Variants in DIS3L2 observed in about 807,000 individuals in gnomAD.
The protein encoded by DIS3L2 is DIS3-like exonuclease 2.
DIS3L2 carries 34 observed loss-of-function variants against 97.5 expected under a neutral mutation model. The observed-to-expected ratio is 0.35, with a 90% CI of 0.27 to 0.46. The LOEUF is 0.46. DIS3L2 is among the 20% of genes least tolerant of loss of function. The pLI, the probability that DIS3L2 is intolerant of heterozygous loss-of-function variation, is 1.00. For synonymous variants in DIS3L2, 435 were observed against 445.2 expected, an observed-to-expected ratio of 0.98 and a Z score of 0.29; for missense variants, 1,038 against 1,146.0, an observed-to-expected ratio of 0.91 and a Z score of 1.36.
rs751167338 is a variant in DIS3L2, at chr2:232,336,673, C to T, written c.*43C>T. 2.3e-5 allele frequency: 36 copies of T among 1,574,690 alleles called. No homozygotes were observed. Among genetic ancestry groups the T allele is most frequent in the African/African-American group, 6.7e-5 (5 of 74,240 alleles). On this transcript the variant is annotated 3_prime_UTR_variant, in exon 21 of 21. Transcript: ENST00000325385. ...CCCCGCCTGCCCCGCCTGCCTGTCC[C>T]GCCACACTGGCTTTAGGACCTGTTG...
intron 8 of DIS3L2, among the ~76,000 whole-genome samples, chr2:232,160,847 C>T (rs551657880): frequency 1.3e-5 from 2 of 152,178 alleles, no homozygotes; most frequent in South Asian, 2.1e-4. Flanking sequence ...CAGAGTGAGA[C>T]CCTGTCTAAA....
intron 5 of DIS3L2, among the ~76,000 whole-genome samples, chr2:232,083,873 C>G (rs987077050): frequency 1.3e-5 from 2 of 152,132 alleles, no homozygotes; most frequent in South Asian, 2.1e-4. Flanking sequence ...CCCAGAACTT[C>G]TCTCTCTGAG....
At chr2:232,229,908 CA>C (rs1692745031) in intron 10 of DIS3L2, among the ~76,000 whole-genome samples, 1 of 152,176 alleles carries the variant, frequency 6.6e-6, no homozygotes, top group Non-Finnish European at 1.5e-5. Context: ...CCAGACTCTT[CA>C]AATCCTGACC....
intron 1 of DIS3L2, among the ~76,000 whole-genome samples, chr2:231,964,606 CTG>C (rs1012321434): frequency 6.6e-5 from 10 of 152,268 alleles, no homozygotes; most frequent in African/African-American, 2.4e-4. Context: ...GGAGCTAAAA[CTG>C]AGGCGTGTGA....
intron 14 of DIS3L2, among the ~76,000 whole-genome samples, chr2:232,300,742 A>C (rs1477189266): frequency 6.7e-6 from 1 of 149,846 alleles, no homozygotes; most frequent in East Asian, 2.0e-4. Context: ...GCAGCCCAAA[A>C]CTCCCGGGCT....
chr2:232,067,294 A>G (rs1471312547), intron 5 of DIS3L2, among the ~76,000 whole-genome samples: 1 of 152,094 alleles, frequency 6.6e-6, no homozygotes, highest in Non-Finnish European at 1.5e-5. Context: ...TTTTCTCTAG[A>G]CGCTACTTTA....
chr2:232,302,609 G>A (rs1694886466), intron 14 of DIS3L2, among the ~76,000 whole-genome samples: 1 of 148,840 alleles, frequency 6.7e-6, no homozygotes, highest in African/African-American at 2.5e-5. Flanking sequence ...CACCCAGCCT[G>A]GAGTGCAATT....
chr2:232,040,667 C>G (rs1041110475), intron 5 of DIS3L2, among the ~76,000 whole-genome samples: 20 of 152,198 alleles, frequency 1.3e-4, no homozygotes, highest in African/African-American at 4.8e-4. Flanking sequence ...CAACTGCTAA[C>G]TTACTGGTGC....
chr2:232,162,621 C>A (rs1690686652), intron 8 of DIS3L2, among the ~76,000 whole-genome samples: 1 of 152,174 alleles, frequency 6.6e-6, no homozygotes, highest in Non-Finnish European at 1.5e-5. Flanking sequence ...CTTGGAGCAC[C>A]CTGGTAGATA....
intron 12 of DIS3L2, 69 bp downstream of exon 12, chr2:232,249,415 A>G (rs1351496673): frequency 2.0e-6 from 3 of 1,495,776 alleles, no homozygotes; most frequent in Non-Finnish European, 2.8e-6. Flanking sequence ...AGCACTCACC[A>G]TGTGCCTGGC....
intron 14 of DIS3L2, among the ~76,000 whole-genome samples, chr2:232,314,432 GC>G (rs1193100000): frequency 6.6e-6 from 1 of 152,154 alleles, no homozygotes; most frequent in African/African-American, 2.4e-5. Context: ...AACCGAGCAG[GC>G]CCCGGAGGCC....
At chr2:232,003,841 T>G (rs1693972943) in intron 1 of DIS3L2, among the ~76,000 whole-genome samples, 2 of 152,206 alleles carry the variant, frequency 1.3e-5, no homozygotes, top group African/African-American at 4.8e-5. Context: ...TTGTTCTGTT[T>G]GAGGTATTTC....
chr2:232,279,549 G>A (rs1431578363), intron 13 of DIS3L2, among the ~76,000 whole-genome samples: 1 of 150,158 alleles, frequency 6.7e-6, no homozygotes, highest in Admixed American at 6.6e-5. Flanking sequence ...TTTGTTTTTT[G>A]AGATAGTCTT....
At chr2:232,237,790 A>G (rs1369363908) in intron 10 of DIS3L2, among the ~76,000 whole-genome samples, 1 of 152,106 alleles carries the variant, frequency 6.6e-6, no homozygotes. Flanking sequence ...AGTTGACCCA[A>G]ATAAAGTAAG....
chr2:232,213,981 G>T (rs1305407699), intron 10 of DIS3L2, among the ~76,000 whole-genome samples: 2 of 152,098 alleles, frequency 1.3e-5, no homozygotes, highest in Admixed American at 1.3e-4. Context: ...TTCCAACCTG[G>T]TAATTCTCCA....
chr2:232,329,785 T>TCCCGGGGGGCC, intron 14 of DIS3L2, 28 bp from the exon 15 acceptor site: 58 of 967,116 alleles, frequency 6.0e-5, no homozygotes, highest in East Asian at 1.2e-4. Context: ...ACCCCAGCGG[T>TCCCGGGGGGCC]CCCTCCCATC....
intron 14 of DIS3L2, among the ~76,000 whole-genome samples, chr2:232,314,465 G>A (rs1167310372): frequency 6.6e-6 from 1 of 152,104 alleles, no homozygotes; most frequent in Non-Finnish European, 1.5e-5. Context: ...GGGCTGAAGG[G>A]AGCTCCCTAG....
At chr2:232,107,863 TC>T (rs1697397184) in intron 6 of DIS3L2, among the ~76,000 whole-genome samples, 2 of 152,080 alleles carry the variant, frequency 1.3e-5, no homozygotes, top group Admixed American at 6.6e-5. Context: ...AGACACTGAC[TC>T]CCTGAATAGA....
At chr2:232,006,515 G>A (rs760651661) in intron 1 of DIS3L2, among the ~76,000 whole-genome samples, 22 of 152,160 alleles carry the variant, frequency 1.4e-4, no homozygotes, top group Non-Finnish European at 2.9e-4. Flanking sequence ...TATGCAGGTG[G>A]AAAATACAGT....
Sources: gnomAD v4.1 joint callset for allele counts (sites outside exome capture counted in the v4.1 genomes callset) on GRCh38, gnomAD v4.1.1 for gene constraint, MANE v1.5 for transcripts, NCBI Gene and HGNC (gene_info 2026-07-23, HGNC 2026-07-21) for gene names.